EDIL3: variants seen among roughly 807,000 people sequenced by gnomAD.
The protein encoded by EDIL3 is EGF-like repeat and discoidin I-like domain-containing protein 3.
In EDIL3, 37 loss-of-function variants were observed where a neutral mutation model predicts 67.4. That is an observed-to-expected ratio of 0.55 (90% CI 0.42 to 0.72). The LOEUF (loss-of-function observed/expected upper bound fraction) is 0.72. Among genes scored for constraint, EDIL3 ranks in the 30% least tolerant of loss-of-function variants. EDIL3 has a pLI of 0.00. For missense variants in EDIL3, 527 were observed against 586.3 expected, an observed-to-expected ratio of 0.90 and a Z score of 1.04; for synonymous variants, 195 against 196.3, an observed-to-expected ratio of 0.99 and a Z score of 0.05.
intron 1 of EDIL3, among the ~76,000 whole-genome samples, chr5:84,278,667 A>T (rs1172360876): frequency 2.0e-5 from 3 of 152,184 alleles, no homozygotes; most frequent in Non-Finnish European, 2.9e-5. Flanking sequence ...TCTTGAGAAG[A>T]ACAAACTTTT....
intron 4 of EDIL3, among the ~76,000 whole-genome samples, chr5:84,148,783 T>C (rs1047964771): frequency 2.6e-5 from 4 of 152,146 alleles, no homozygotes; most frequent in Non-Finnish European, 5.9e-5. Context: ...CTAAAAATGC[T>C]GTCTCCAAGC....
chr5:84,134,258 T>A (rs990018996), intron 5 of EDIL3, among the ~76,000 whole-genome samples: 1 of 152,190 alleles, frequency 6.6e-6, no homozygotes, highest in African/African-American at 2.4e-5. Flanking sequence ...AACTTAAATA[T>A]ATTTGAGTTT....
chr5:84,205,828 G>A (rs1209192879), intron 3 of EDIL3, among the ~76,000 whole-genome samples: 8 of 151,134 alleles, frequency 5.3e-5, no homozygotes, highest in African/African-American at 1.7e-4. Context: ...TCTTGCTAGC[G>A]GTCTATCAAT....
chr5:83,969,751 A>G (rs1331631272), intron 9 of EDIL3, among the ~76,000 whole-genome samples: 1 of 151,908 alleles, frequency 6.6e-6, no homozygotes, highest in African/African-American at 2.4e-5. Context: ...TTTTACATTT[A>G]AATACATTTT....
At chr5:84,174,900 G>A (rs1057090314) in intron 4 of EDIL3, among the ~76,000 whole-genome samples, 5 of 152,100 alleles carry the variant, frequency 3.3e-5, no homozygotes, top group Non-Finnish European at 7.3e-5. Context: ...GGGAAATCAC[G>A]GAAGAATGAT....
rs1390151647 is a variant in EDIL3, at chr5:84,189,433, C to T, written c.227-8912G>A. On this transcript the variant is annotated intron_variant, in intron 3 of 10. Coordinates refer to ENST00000296591, the MANE Select transcript of EDIL3 (RefSeq NM_005711.5). ...TCTTTATATATTAATTCCACAATGA[C>T]AGGTAATCATTGTGGCACAGTAGTT... Among the ~76,000 whole-genome samples the T allele has an allele frequency of 2.6e-5, 4 of 152,026 alleles. No homozygotes were observed. In the East Asian group the frequency reaches 7.7e-4, roughly 29 times the overall value.
intron 6 of EDIL3, among the ~76,000 whole-genome samples, chr5:84,085,327 G>C (rs563188036): frequency 1.6e-4 from 24 of 152,286 alleles, no homozygotes; most frequent in African/African-American, 5.5e-4. Context: ...ATCTACCTTT[G>C]ATCTTTGAGG....
rs112593600 is a variant in EDIL3, at chr5:84,124,655, A to G, written c.469+12586T>C. 9.8e-3 allele frequency among the ~76,000 whole-genome samples: 1,480 copies of G among 151,792 alleles called. 15 individuals carry two copies. The highest frequency in any genetic ancestry group is 0.033 in the African/African-American group (1,384 of 41,490). ...CAGAATTTTATGTGTTACTTTGTATATTGTTAGGTTAATAATACTGCTACC... is the reference window on the plus strand; with the variant it reads ...CAGAATTTTATGTGTTACTTTGTATGTTGTTAGGTTAATAATACTGCTACC... On this transcript the variant is annotated intron_variant, in intron 5 of 10. Transcript: ENST00000296591.
intron 9 of EDIL3, among the ~76,000 whole-genome samples, chr5:84,037,315 C>T (rs1483248389): frequency 3.9e-5 from 6 of 152,064 alleles, no homozygotes; most frequent in Non-Finnish European, 8.8e-5. Flanking sequence ...TGCTGATCTC[C>T]CCATTTTCTT....
At chr5:84,044,591 C>A (rs1224491896) in intron 9 of EDIL3, among the ~76,000 whole-genome samples, 1 of 152,080 alleles carries the variant, frequency 6.6e-6, no homozygotes, top group Non-Finnish European at 1.5e-5. Context: ...CTGGGTCTGT[C>A]GTCAGAAGAA....
chr5:84,051,240 G>A (rs539289183), intron 9 of EDIL3, among the ~76,000 whole-genome samples: 1 of 152,334 alleles, frequency 6.6e-6, no homozygotes, highest in South Asian at 2.1e-4. Flanking sequence ...CAACAGACCT[G>A]CAGCTGAGGG....
chr5:84,170,181 G>A (rs1748789660), intron 4 of EDIL3, among the ~76,000 whole-genome samples: 1 of 152,232 alleles, frequency 6.6e-6, no homozygotes, highest in Non-Finnish European at 1.5e-5. Context: ...AAAGACAGTA[G>A]AGAGGAGAAT....
At chr5:84,033,538 C>A (rs1745965413) in intron 9 of EDIL3, among the ~76,000 whole-genome samples, 1 of 151,544 alleles carries the variant, frequency 6.6e-6, no homozygotes, top group African/African-American at 2.4e-5. Context: ...CCGTCTCTAC[C>A]TAAAAGAACA....
chr5:84,073,420 G>C (rs981026992), intron 6 of EDIL3, among the ~76,000 whole-genome samples: 2 of 152,154 alleles, frequency 1.3e-5, no homozygotes, highest in Non-Finnish European at 2.9e-5. Flanking sequence ...CCTGTTTGCA[G>C]ATGACATGAT....
intron 1 of EDIL3, among the ~76,000 whole-genome samples, chr5:84,269,923 T>A (rs1393087946): frequency 3.3e-5 from 5 of 152,154 alleles, no homozygotes; most frequent in African/African-American, 1.2e-4. Flanking sequence ...TTTGTAAAGA[T>A]GGGGTCACTA....
In EDIL3 at chr5:84,312,364, C is replaced by T. The variant is rs1302161998; in HGVS notation, c.68-58152G>A. On this transcript the variant is annotated intron_variant, in intron 1 of 10. Coordinates refer to ENST00000296591, the MANE Select transcript of EDIL3 (RefSeq NM_005711.5). ...CCCCCCACCTCCCTCCCGGACGGGGCGGCTGGCCGGGCGGGGGGCTGACTC... is the reference window on the plus strand; with the variant it reads ...CCCCCCACCTCCCTCCCGGACGGGGTGGCTGGCCGGGCGGGGGGCTGACTC... 1.6e-4 allele frequency among the ~76,000 whole-genome samples: 22 copies of T among 141,454 alleles called. 1 individual carries two copies. The highest frequency in any genetic ancestry group is 4.3e-3 in the Middle Eastern group (1 of 232). The allele number at this position is 141,454 out of a possible 152,430, so 92.8% of individuals were successfully genotyped here.
chr5:84,065,021 A>T (rs1181334288), intron 7 of EDIL3, among the ~76,000 whole-genome samples, 177 bp from the exon 8 acceptor site: 1 of 152,168 alleles, frequency 6.6e-6, no homozygotes, highest in Non-Finnish European at 1.5e-5. Flanking sequence ...ACCCAACCAT[A>T]AACTCCTAAT....
chr5:84,376,797 C>T (rs1747976740), intron 1 of EDIL3, among the ~76,000 whole-genome samples: 1 of 152,086 alleles, frequency 6.6e-6, no homozygotes, highest in African/African-American at 2.4e-5. Flanking sequence ...TTTGTTTTGC[C>T]TGGTACTATT....
chr5:84,277,322 G>A (rs1277211407), intron 1 of EDIL3, among the ~76,000 whole-genome samples: 1 of 152,016 alleles, frequency 6.6e-6, no homozygotes, highest in Non-Finnish European at 1.5e-5. Flanking sequence ...CGATCTCTGA[G>A]GAAGCAGACC....
Sources: allele counts gnomAD v4.1 joint callset (sites outside exome capture counted in the v4.1 genomes callset), GRCh38; gene constraint gnomAD v4.1.1; transcripts MANE v1.5; gene names NCBI Gene and HGNC (gene_info 2026-07-23, HGNC 2026-07-21).